PARN: variants seen among roughly 807,000 people sequenced by gnomAD.
The protein encoded by PARN is poly(A)-specific ribonuclease PARN.
Under a neutral mutation model 102.8 loss-of-function variants are expected in PARN, and 71 were observed. The ratio of observed to expected loss-of-function variants is 0.69; its 90% CI spans 0.57 to 0.84. The LOEUF (loss-of-function observed/expected upper bound fraction) is 0.84, where lower values mean the gene tolerates loss of function less well. Among genes scored for constraint, PARN ranks in the 40% least tolerant of loss-of-function variants. The pLI is 0.00. For missense variants in PARN, 782 were observed against 760.9 expected, an observed-to-expected ratio of 1.03 and a Z score of -0.33; for synonymous variants, 261 against 252.9, an observed-to-expected ratio of 1.03 and a Z score of -0.30.
At chr16:14,556,396 G>A (rs528890552) in intron 18 of PARN, among the ~76,000 whole-genome samples, 2 of 152,170 alleles carry the variant, frequency 1.3e-5, no homozygotes, top group South Asian at 4.2e-4. Context: ...CTGACCTCAA[G>A]TGATCCACCT....
At position 14,603,403 on chromosome 16, in the gene PARN, T is replaced by C. The variant is rs532487601; in HGVS notation, c.783+743A>G. On this transcript the variant is annotated intron_variant, in intron 11 of 23. Transcript: ENST00000437198. ...CCTAATGTACATATGAGCATGACAT[T>C]CATCCACATGCAAACCCACTCCTCT... Among the ~76,000 whole-genome samples the C allele has an allele frequency of 1.2e-3, 177 of 152,236 alleles. 2 individuals carry two copies. Among genetic ancestry groups the C allele is most frequent in the Admixed American group, 0.011 (175 of 15,282 alleles).
Position 14,552,037 on chromosome 16 carries a change from G to A in PARN, c.1464C>T (p.Pro488=), listed in dbSNP as rs61748886. 375 of 1,610,912 alleles carry A rather than the reference G, an allele frequency of 2.3e-4. No individual in the cohort carries two copies. The highest frequency in any genetic ancestry group is 1.2e-3 in the African/African-American group (91 of 74,820). The part of the protein sequence containing the change: ...DTSAFVSLSQ[P]EQVKIAVNTS... ...AACACTTACCAATCTTTACTTGCTC[G>A]GGCTGGCTAAGGGAAACAAATGCTG... The change falls in exon 21 of 24, where the codon CCC becomes CCT. Residue 488 remains proline (P), a synonymous_variant. Transcript: ENST00000437198.
chr16:14,561,306 A>T (rs896624233), intron 18 of PARN, among the ~76,000 whole-genome samples: 1 of 152,216 alleles, frequency 6.6e-6, no homozygotes, highest in Non-Finnish European at 1.5e-5. Context: ...TTCCCCGCCA[A>T]CTGGATCAGC....
Position 14,504,722 on chromosome 16 carries a change from T to C in PARN, c.1481-21895A>G, listed in dbSNP as rs547298100. Among the ~76,000 whole-genome samples, 10 of 152,334 alleles carry C rather than the reference T, an allele frequency of 6.6e-5. No homozygotes were observed. The East Asian group carries it at 1.7e-3, about 26-fold the overall frequency. ...TAACATGAATGCCTCTCTCATAGGT[T>C]ATACCATTGACTCAATCAACAAATA... On this transcript the variant is annotated intron_variant, in intron 21 of 23. Transcript: ENST00000437198.
At chr16:14,513,385 T>C (rs150629317) in intron 21 of PARN, among the ~76,000 whole-genome samples, 88 of 152,364 alleles carry the variant, frequency 5.8e-4, no homozygotes, top group African/African-American at 2.1e-3. Context: ...TTTGAAGCCA[T>C]GGCCCATGGA....
chr16:14,443,325 GAT>G (rs1961029240), intron 23 of PARN, among the ~76,000 whole-genome samples: 1 of 150,816 alleles, frequency 6.6e-6, no homozygotes, highest in Non-Finnish European at 1.5e-5. Flanking sequence ...AAAAAGAACA[GAT>G]ATAAAGAGAT....
rs1489036732 is a variant in PARN at position 14,487,690 on chromosome 16, G to A, written c.1481-4863C>T. ...ATTAAAAGTAAGAAAAAAAAATCTCGGTAGAAAACAACAGTGGTTGTGAGA... is the reference window on the plus strand; with the variant it reads ...ATTAAAAGTAAGAAAAAAAAATCTCAGTAGAAAACAACAGTGGTTGTGAGA... On this transcript the variant is annotated intron_variant, in intron 21 of 23. Coordinates refer to ENST00000437198, the MANE Select transcript of PARN (RefSeq NM_002582.4). Among the ~76,000 whole-genome samples the A allele has an allele frequency of 5.3e-5, 8 of 152,154 alleles. No individual in the cohort carries two copies. The South Asian group carries it at 6.2e-4, about 12-fold the overall frequency.
chr16:14,564,116 T>G (rs1326571337), intron 18 of PARN, among the ~76,000 whole-genome samples: 2 of 152,156 alleles, frequency 1.3e-5, no homozygotes, highest in Non-Finnish European at 2.9e-5. Context: ...CACGTGGCTT[T>G]TAACCTGAGC....
intron 6 of PARN, among the ~76,000 whole-genome samples, chr16:14,614,277 G>A (rs1053358134): frequency 5.3e-5 from 8 of 151,468 alleles, no homozygotes; most frequent in Admixed American, 4.6e-4. Flanking sequence ...AAAAAAAAAA[G>A]AGTAAATGAG....
rs772070961 is a variant in PARN, at chr16:14,436,320, A to G, written c.*397T>C. 2 of 203,058 alleles carry G rather than the reference A, an allele frequency of 9.8e-6. No individual in the cohort carries two copies. The highest frequency in any genetic ancestry group is 2.0e-5 in the Non-Finnish European group (2 of 100,054). 12.6% of individuals were successfully genotyped at this position (203,058 alleles called of 1,614,324 possible). Reference sequence around the variant, plus strand: ...GTGCGAGAAGATGCACAGGCAGGACAGTACACCCCCAAATTCATGATCACA... The same window carrying G: ...GTGCGAGAAGATGCACAGGCAGGACGGTACACCCCCAAATTCATGATCACA... On this transcript the variant is annotated 3_prime_UTR_variant, in exon 24 of 24. Transcript: ENST00000437198.
Position 14,552,085 on chromosome 16 carries a change from C to A in PARN, c.1416G>T (p.Gln472His). 1 of 1,606,266 alleles carries A rather than the reference C, an allele frequency of 6.2e-7. No homozygotes were observed. Among genetic ancestry groups the A allele is most frequent in the Middle Eastern group, 1.7e-4 (1 of 6,040 alleles). Residue 472 changes from glutamine (Q) to histidine (H), a missense_variant, in exon 21 of 24, where the codon CAG (glutamine) becomes CAT (histidine). Gln to His is a conservative substitution (Grantham distance 24). Coordinates refer to ENST00000437198, the MANE Select transcript of PARN (RefSeq NM_002582.4). ...CTGATGTGTCATCAATCCAGGATAT[C>A]TGAATGTTACCTGCAATCGCAAATT... Reference protein sequence around the residue: ...YQLFSAFGNIQISWIDDTSAF... With the variant: ...YQLFSAFGNIHISWIDDTSAF...
intron 23 of PARN, among the ~76,000 whole-genome samples, chr16:14,443,226 T>G (rs2151552179): frequency 6.6e-6 from 1 of 152,330 alleles, no homozygotes; most frequent in East Asian, 1.9e-4. Context: ...TATCTGGGAT[T>G]GGGTCTAGTA....
chr16:14,445,774 T>C (rs1023292373), intron 23 of PARN, among the ~76,000 whole-genome samples: 1 of 152,180 alleles, frequency 6.6e-6, no homozygotes, highest in African/African-American at 2.4e-5. Flanking sequence ...ATGTTGGCCA[T>C]GCTGGTCTTG....
At chr16:14,598,097 T>C (rs1348846569) in intron 12 of PARN, among the ~76,000 whole-genome samples, 1 of 151,992 alleles carries the variant, frequency 6.6e-6, no homozygotes, top group East Asian at 1.9e-4. Flanking sequence ...TGAGCCAGGA[T>C]TGCGCCACTG....
chr16:14,500,927 G>C (rs1264501724), intron 21 of PARN, among the ~76,000 whole-genome samples: 2 of 152,146 alleles, frequency 1.3e-5, no homozygotes, highest in Non-Finnish European at 2.9e-5. Context: ...CATACATCCA[G>C]ATCTGTTCCA....
chr16:14,590,363 G>A (rs957098927), intron 13 of PARN, among the ~76,000 whole-genome samples: 2 of 151,646 alleles, frequency 1.3e-5, no homozygotes, highest in African/African-American at 2.4e-5. Flanking sequence ...GGCCAGACGT[G>A]GTGGCTCACG....
chr16:14,569,996 G>A (rs1567396806), intron 18 of PARN, among the ~76,000 whole-genome samples: 1 of 152,262 alleles, frequency 6.6e-6, no homozygotes, highest in East Asian at 1.9e-4. Context: ...CACTTTAAAT[G>A]AGTGAACTAT....
chr16:14,531,832 G>C (rs977048620), intron 21 of PARN, among the ~76,000 whole-genome samples: 3 of 151,374 alleles, frequency 2.0e-5, no homozygotes, highest in Non-Finnish European at 4.4e-5. Flanking sequence ...ATGAAAACTG[G>C]TTAGATGTAA....
chr16:14,610,843 A>T (rs1351720492), intron 6 of PARN, 34 bp from the exon 7 acceptor site: 1 of 1,431,948 alleles, frequency 7.0e-7, no homozygotes, highest in Non-Finnish European at 9.8e-7. Flanking sequence ...GCATTAGCAG[A>T]AGTAACTGTC....
Sources: gnomAD v4.1 joint callset for allele counts (sites outside exome capture counted in the v4.1 genomes callset) on GRCh38, gnomAD v4.1.1 for gene constraint, MANE v1.5 for transcripts, NCBI Gene and HGNC (gene_info 2026-07-23, HGNC 2026-07-21) for gene names.